Variants in FAR2 observed in about 807,000 individuals in gnomAD.
FAR2 encodes epididymis secretory protein Li 81.
FAR2 carries 19 observed loss-of-function variants against 56.0 expected under a neutral mutation model. That is an observed-to-expected ratio of 0.34 (90% CI 0.24 to 0.50). The LOEUF is 0.50. Ranked by LOEUF, FAR2 falls within the 20% of genes least tolerant of loss-of-function variation. The pLI is 0.98. For missense variants in FAR2, 508 were observed against 642.2 expected (o/e 0.79, Z 2.26); for synonymous variants, 219 against 218.8 (o/e 1.00, Z -0.01).
At chr12:29,187,202 C>CT (rs1168659309) in intron 1 of FAR2, among the ~76,000 whole-genome samples, 2 of 151,766 alleles carry the variant, frequency 1.3e-5, no homozygotes, top group African/African-American at 2.4e-5. Context: ...TGTCTTAACC[C>CT]TTTTTTTTAC....
At chr12:29,182,622 C>T (rs1312233469) in intron 1 of FAR2, among the ~76,000 whole-genome samples, 2 of 152,186 alleles carry the variant, frequency 1.3e-5, no homozygotes, top group African/African-American at 4.8e-5. Context: ...CTTCACCTCT[C>T]ACTATCATAA....
At chr12:29,250,293 G>T (rs1948187695) in intron 1 of FAR2, among the ~76,000 whole-genome samples, 1 of 152,168 alleles carries the variant, frequency 6.6e-6, no homozygotes, top group South Asian at 2.1e-4. Context: ...GTTCTGGTCA[G>T]ACCAGTTGGA....
intron 1 of FAR2, among the ~76,000 whole-genome samples, chr12:29,262,822 G>A (rs899284052): frequency 2.6e-5 from 4 of 152,102 alleles, no homozygotes; most frequent in African/African-American, 9.7e-5. Context: ...AATGTAAATG[G>A]ACTATGCTCT....
At chr12:29,160,880 T>C (rs1297901736) in intron 1 of FAR2, among the ~76,000 whole-genome samples, 3 of 152,194 alleles carry the variant, frequency 2.0e-5, no homozygotes, top group Non-Finnish European at 1.5e-5. Flanking sequence ...GTGATCATAT[T>C]TCCAAATAAG....
intron 1 of FAR2, among the ~76,000 whole-genome samples, chr12:29,264,306 T>A (rs1327500066): frequency 2.0e-5 from 3 of 152,000 alleles, no homozygotes; most frequent in Non-Finnish European, 4.4e-5. Context: ...AAAAACTGGG[T>A]ATAGAAGGAA....
At position 29,293,429 on chromosome 12, in the gene FAR2, A is replaced by G. The variant is rs1044841366; in HGVS notation, c.319A>G (p.Ile107Val). 4.4e-6 allele frequency: 7 copies of G among 1,606,464 alleles called. No homozygotes were observed. Among genetic ancestry groups the G allele is most frequent in the African/African-American group, 1.3e-5 (1 of 74,432 alleles). ...GCAGGAGCTTCTCTCCTGTACAAAC[A>G]TAATATTTCACTGTGCAGCCACTGT... ...DMQELLSCTN[I>V]IFHCAATVRF... is the part of the protein sequence containing the mutation. Residue 107 changes from isoleucine to valine, a missense_variant, in exon 3 of 12, where the codon ATA (isoleucine) becomes GTA (valine). Ile to Val is a conservative substitution (Grantham distance 29). Coordinates refer to ENST00000536681, the MANE Select transcript of FAR2 (RefSeq NM_001271783.2).
intron 1 of FAR2, among the ~76,000 whole-genome samples, chr12:29,178,667 A>G (rs888497137): frequency 2.0e-5 from 3 of 152,190 alleles, no homozygotes; most frequent in Admixed American, 6.5e-5. Context: ...TTTTTCTAAT[A>G]TGGTAAGGCC....
At chr12:29,269,042 A>G (rs1948568548) in intron 1 of FAR2, among the ~76,000 whole-genome samples, 1 of 152,202 alleles carries the variant, frequency 6.6e-6, no homozygotes, top group Admixed American at 6.5e-5. Context: ...TTCGGGCACC[A>G]TTGTCATTGA....
intron 1 of FAR2, among the ~76,000 whole-genome samples, chr12:29,182,826 G>A (rs941771416): frequency 2.0e-5 from 3 of 152,102 alleles, no homozygotes; most frequent in African/African-American, 7.2e-5. Context: ...GCAGCATAAG[G>A]GTTATCTACG....
chr12:29,267,500 A>C (rs1753357605), intron 1 of FAR2, among the ~76,000 whole-genome samples: 1 of 152,180 alleles, frequency 6.6e-6, no homozygotes, highest in South Asian at 2.1e-4. Flanking sequence ...TTTTACTTCA[A>C]ACAGTCTTGC....
intron 4 of FAR2, among the ~76,000 whole-genome samples, chr12:29,305,672 G>T (rs748204560): frequency 2.0e-5 from 3 of 151,966 alleles, no homozygotes; most frequent in Non-Finnish European, 2.9e-5. Flanking sequence ...ACTCTTATGA[G>T]AATTTAGAAT....
chr12:29,317,117 T>C (rs1478185024), intron 9 of FAR2, 105 bp downstream of exon 9: 4 of 1,256,712 alleles, frequency 3.2e-6, no homozygotes, highest in Non-Finnish European at 4.4e-6. Context: ...GACAACTGAA[T>C]CTTACCCATA....
chr12:29,169,564 C>G (rs868270253), intron 1 of FAR2, among the ~76,000 whole-genome samples: 10 of 152,328 alleles, frequency 6.6e-5, no homozygotes, highest in African/African-American at 2.4e-4. Flanking sequence ...TTTCAGAAGC[C>G]TTTTCCTGTA....
intron 1 of FAR2, among the ~76,000 whole-genome samples, chr12:29,261,345 C>T (rs917891999): frequency 1.3e-5 from 2 of 151,968 alleles, no homozygotes; most frequent in Admixed American, 1.3e-4. Flanking sequence ...GAAGAAAGAA[C>T]TAGAGAGCTT....
At chr12:29,239,617 A>G (rs1188996525) in intron 1 of FAR2, among the ~76,000 whole-genome samples, 1 of 152,184 alleles carries the variant, frequency 6.6e-6, no homozygotes, top group Non-Finnish European at 1.5e-5. Flanking sequence ...CCAGTAGAGG[A>G]AAATGCTGGA....
intron 1 of FAR2, among the ~76,000 whole-genome samples, chr12:29,250,832 G>A (rs1948197258): frequency 1.3e-5 from 2 of 152,086 alleles, no homozygotes; most frequent in South Asian, 4.1e-4. Context: ...TTTGTGCGGG[G>A]AGCCCCAGCA....
intron 1 of FAR2, among the ~76,000 whole-genome samples, chr12:29,238,173 A>G (rs1420926047): frequency 6.6e-6 from 1 of 152,028 alleles, no homozygotes; most frequent in African/African-American, 2.4e-5. Context: ...AGGCTTTTTA[A>G]AATACTCCTC....
chr12:29,269,943 C>T (rs542806497), intron 1 of FAR2, among the ~76,000 whole-genome samples: 1 of 152,314 alleles, frequency 6.6e-6, no homozygotes, highest in African/African-American at 2.4e-5. Context: ...GCACGCTGTG[C>T]CACACCACTG....
At chr12:29,243,637 C>G (rs1220674304) in intron 1 of FAR2, among the ~76,000 whole-genome samples, 1 of 151,936 alleles carries the variant, frequency 6.6e-6, no homozygotes, top group African/African-American at 2.4e-5. Context: ...GTTGATATAT[C>G]CTGGTCATTT....
Sources: allele counts gnomAD v4.1 joint callset (sites outside exome capture counted in the v4.1 genomes callset), GRCh38; gene constraint gnomAD v4.1.1; transcripts MANE v1.5; gene names NCBI Gene and HGNC (gene_info 2026-07-23, HGNC 2026-07-21).